CTNNA2: variants seen among roughly 807,000 people sequenced by gnomAD.
The protein encoded by CTNNA2 is catenin alpha 2, also known as catenin alpha-2.
A neutral mutation model predicts 101.0 loss-of-function variants in CTNNA2; 42 were observed. The ratio of observed to expected loss-of-function variants is 0.42; its 90% CI spans 0.32 to 0.54. The LOEUF (loss-of-function observed/expected upper bound fraction) is 0.54, where lower values mean the gene tolerates loss of function less well. Among genes scored for constraint, CTNNA2 ranks in the 20% least tolerant of loss-of-function variants. CTNNA2 has a pLI of 0.14. For missense variants in CTNNA2, 871 were observed against 1,223.1 expected (o/e 0.71, Z 4.29); for synonymous variants, 450 against 456.4 (o/e 0.99, Z 0.18).
chr2:80,558,436 T>A (rs1375716332), intron 12 of CTNNA2, among the ~76,000 whole-genome samples: 1 of 147,032 alleles, frequency 6.8e-6, no homozygotes, highest in East Asian at 2.0e-4. Flanking sequence ...TTGTACAAAG[T>A]TTTGTTGGTG....
Position 80,302,792 on chromosome 2 carries a change from G to A in CTNNA2, c.1057-90419G>A. On this transcript the variant is annotated intron_variant, in intron 7 of 18. Transcript: ENST00000402739. This position sits in a 1 kb window ranked among gnomAD's most constrained non-coding sequence, Gnocchi z 6.4. ...CTCGCCCTGTGCGTACTCCGGGCTG[G>A]CGCACTGCAAGTTGCCATCGTAGCG... 1 of 1,613,596 alleles carries A rather than the reference G, an allele frequency of 6.2e-7. No homozygotes were observed. The highest frequency in any genetic ancestry group is 8.5e-7 in the Non-Finnish European group (1 of 1,179,914).
At chr2:80,634,079 A>G (rs1385262370) in intron 18 of CTNNA2, among the ~76,000 whole-genome samples, 1 of 152,142 alleles carries the variant, frequency 6.6e-6, no homozygotes, top group Non-Finnish European at 1.5e-5. Flanking sequence ...TTCACGTCCT[A>G]TTTCCCCACC....
intron 1 of CTNNA2, among the ~76,000 whole-genome samples, chr2:79,604,115 T>G (rs1677728781): frequency 6.6e-6 from 1 of 152,220 alleles, no homozygotes; most frequent in Non-Finnish European, 1.5e-5. Flanking sequence ...CAGTGCAATT[T>G]GTAATAGTGT....
At chr2:79,259,495 A>G (rs531626103) in intron 2 of CTNNA2, among the ~76,000 whole-genome samples, 4 of 152,318 alleles carry the variant, frequency 2.6e-5, no homozygotes, top group African/African-American at 9.6e-5. Context: ...GGGTAGGGCC[A>G]TGTGTACCTT....
intron 7 of CTNNA2, among the ~76,000 whole-genome samples, chr2:80,108,060 C>A (rs1471497277): frequency 6.6e-6 from 1 of 152,172 alleles, no homozygotes; most frequent in Non-Finnish European, 1.5e-5. Flanking sequence ...AGAAAAAGGA[C>A]ATTTAATAAG....
chr2:80,069,207 G>A (rs1698173580), intron 7 of CTNNA2, among the ~76,000 whole-genome samples: 1 of 152,092 alleles, frequency 6.6e-6, no homozygotes, highest in African/African-American at 2.4e-5. Context: ...TGGACCCTCA[G>A]CATATTGGAA....
At chr2:79,275,162 A>G (rs1004132285) in intron 2 of CTNNA2, among the ~76,000 whole-genome samples, 1 of 152,088 alleles carries the variant, frequency 6.6e-6, no homozygotes, top group Non-Finnish European at 1.5e-5. Context: ...TAAGCACAGA[A>G]GAAATGGTTG....
intron 9 of CTNNA2, among the ~76,000 whole-genome samples, chr2:80,447,524 C>T (rs1207430926): frequency 6.6e-6 from 1 of 152,188 alleles, no homozygotes; most frequent in Non-Finnish European, 1.5e-5. Flanking sequence ...TAGGTTATAA[C>T]AGAATGTCCT....
chr2:79,889,802 A>T (rs1684178125), intron 6 of CTNNA2, among the ~76,000 whole-genome samples: 1 of 152,288 alleles, frequency 6.6e-6, no homozygotes, highest in South Asian at 2.1e-4. Context: ...CTGACTGAAA[A>T]GTTGTTATGC....
intron 7 of CTNNA2, among the ~76,000 whole-genome samples, chr2:80,083,001 T>C (rs1699239348): frequency 6.6e-6 from 1 of 152,168 alleles, no homozygotes; most frequent in Non-Finnish European, 1.5e-5. Context: ...AGCAGGGGTA[T>C]AGCTTCTTGT....
intron 1 of CTNNA2, among the ~76,000 whole-genome samples, chr2:79,620,767 A>G (rs1188650426): frequency 6.6e-6 from 1 of 152,168 alleles, no homozygotes; most frequent in Non-Finnish European, 1.5e-5. Flanking sequence ...GTGCATAGGC[A>G]GCCATAGATA....
At chr2:80,498,319 G>A (rs547876119) in intron 9 of CTNNA2, among the ~76,000 whole-genome samples, 40 of 152,282 alleles carry the variant, frequency 2.6e-4, no homozygotes, top group South Asian at 1.2e-3. Context: ...TACTGATTTC[G>A]TGGAGCAATT....
At chr2:80,381,143 A>G (rs1025947) in intron 7 of CTNNA2, among the ~76,000 whole-genome samples, 32,661 of 151,558 alleles carry the variant, frequency 0.22, 3,777 homozygotes, top group East Asian at 0.52. Context: ...CTTCGTGTTC[A>G]GGAGGTGGTA....
At chr2:80,079,828 T>TAAAATAAATAAAATAAAATAAAATA (rs371009954) in intron 7 of CTNNA2, among the ~76,000 whole-genome samples, 4 of 120,100 alleles carry the variant, frequency 3.3e-5, no homozygotes, top group African/African-American at 1.3e-4. Flanking sequence ...TAAAATAAAA[T>TAAAATAAATAAAATAAAATAAAATA]AAATAAAATA....
chr2:80,189,058 T>G (rs1255320464), intron 7 of CTNNA2, among the ~76,000 whole-genome samples: 1 of 150,102 alleles, frequency 6.7e-6, no homozygotes, highest in Non-Finnish European at 1.5e-5. Flanking sequence ...GTTTAAGCAC[T>G]TCTCCTGCCT....
chr2:79,615,402 A>T (rs1678550524), intron 1 of CTNNA2, among the ~76,000 whole-genome samples: 1 of 152,210 alleles, frequency 6.6e-6, no homozygotes. Flanking sequence ...TTCTACACAA[A>T]CAAATTAAGA....
chr2:79,989,059 G>A (rs976095571), intron 7 of CTNNA2, among the ~76,000 whole-genome samples: 2 of 152,278 alleles, frequency 1.3e-5, no homozygotes, highest in African/African-American at 4.8e-5. Context: ...CGGAAACCTC[G>A]AGAATTGCAT....
intron 1 of CTNNA2, among the ~76,000 whole-genome samples, chr2:79,586,542 T>C (rs1399368541): frequency 6.6e-6 from 1 of 150,812 alleles, no homozygotes; most frequent in Admixed American, 6.6e-5. Flanking sequence ...TTTTTAGCAC[T>C]TTTTCTTTTT....
Position 80,483,368 on chromosome 2 carries a change from T to TTATATATA in CTNNA2, c.1291-61602_1291-61595dup, listed in dbSNP as rs10635965. 7.8e-3 allele frequency among the ~76,000 whole-genome samples: 1,134 copies of TTATATATA among 146,066 alleles called. 16 individuals carry two copies. The highest frequency in any genetic ancestry group is 0.026 in the African/African-American group (1,026 of 40,212). On this transcript the variant is annotated intron_variant, in intron 9 of 18. Transcript: ENST00000402739. ...GTCCATCTAGAGTCATGTTGTTGTTTTATATATATATATATATATTTACAT... is the reference window on the plus strand; with the variant it reads ...GTCCATCTAGAGTCATGTTGTTGTTTTATATATATATATATATATATATATATTTACAT...
Sources: allele counts gnomAD v4.1 joint callset (sites outside exome capture counted in the v4.1 genomes callset), GRCh38; gene constraint gnomAD v4.1.1; non-coding constraint Gnocchi (gnomAD v3.1); transcripts MANE v1.5; gene names NCBI Gene and HGNC (gene_info 2026-07-23, HGNC 2026-07-21).